The following BAG4 variants were observed in gnomAD, a reference collection of about 807,000 sequenced individuals.
BAG4 encodes the protein BAG cochaperone 4.
BAG4 carries 28 observed loss-of-function variants against 52.1 expected under a neutral mutation model. The observed-to-expected ratio is 0.54, with a 90% CI of 0.40 to 0.74. The LOEUF (loss-of-function observed/expected upper bound fraction) is 0.74. Ranked by LOEUF, BAG4 falls within the 30% of genes least tolerant of loss-of-function variation. BAG4 has a pLI of 0.00. For missense variants in BAG4, 525 were observed against 572.0 expected (o/e 0.92, Z 0.84); for synonymous variants, 208 against 217.0 (o/e 0.96, Z 0.37).
intron 2 of BAG4, chr8:38,203,946 C>T (rs1024748175): frequency 6.6e-6 from 1 of 152,148 alleles, no homozygotes; most frequent in Non-Finnish European, 1.5e-5. Flanking sequence ...TAAGTGACTC[C>T]ATCTTGGCAT....
intron 1 of BAG4, among the ~76,000 whole-genome samples, chr8:38,180,794 C>A (rs1489569275): frequency 6.6e-6 from 1 of 152,014 alleles, no homozygotes; most frequent in Non-Finnish European, 1.5e-5. Flanking sequence ...TTATTAAGAT[C>A]CCCAGGTGAT....
At chr8:38,209,398 G>T in intron 4 of BAG4, 131 bp downstream of exon 4, 1 of 1,211,354 alleles carries the variant, frequency 8.3e-7, no homozygotes, top group South Asian at 1.7e-5. Flanking sequence ...CTTATCTATA[G>T]CTTTACCTCA....
intron 2 of BAG4, among the ~76,000 whole-genome samples, chr8:38,203,699 G>T (rs1803722785): frequency 6.6e-6 from 1 of 151,980 alleles, no homozygotes; most frequent in African/African-American, 2.4e-5. Flanking sequence ...GCTGGGTGCA[G>T]TGGCTCATAC....
At chr8:38,206,124 C>T (rs1803766514) in intron 2 of BAG4, among the ~76,000 whole-genome samples, 1 of 151,200 alleles carries the variant, frequency 6.6e-6, no homozygotes, top group South Asian at 2.1e-4. Context: ...CCCATCTCTA[C>T]TAAAAGTACA....
At chr8:38,185,077 G>A (rs1236250852) in intron 1 of BAG4, among the ~76,000 whole-genome samples, 2 of 146,482 alleles carry the variant, frequency 1.4e-5, no homozygotes, top group African/African-American at 2.5e-5. Flanking sequence ...CAACAAGAGT[G>A]AGACTCTGTC....
intron 2 of BAG4, among the ~76,000 whole-genome samples, chr8:38,204,842 A>C (rs1255548225): frequency 6.6e-6 from 1 of 152,158 alleles, no homozygotes; most frequent in Non-Finnish European, 1.5e-5. Flanking sequence ...AAGCAATTTC[A>C]GATATCATTT....
rs1406267962 is a variant in BAG4, at chr8:38,198,574, C to T, written c.378+5779C>T. The stretch of plus-strand genomic sequence containing the variant: ...TGCGATCTCGGCTTACTGCGACCTC[C>T]GCCTCCCAGGTTCAAGCAATTCTCC... On this transcript the variant is annotated intron_variant, in intron 2 of 4. Transcript: ENST00000287322. Among the ~76,000 whole-genome samples the T allele has an allele frequency of 1.1e-4, 17 of 149,504 alleles. No homozygotes were observed. In the East Asian group the frequency reaches 3.4e-3, roughly 30 times the overall value.
At position 38,198,564 on chromosome 8, in the gene BAG4, C is replaced by T. The variant is rs1202314276; in HGVS notation, c.378+5769C>T. On this transcript the variant is annotated intron_variant, in intron 2 of 4. Transcript: ENST00000287322. ...AGTGCAGTGGTGCGATCTCGGCTTA[C>T]TGCGACCTCCGCCTCCCAGGTTCAA... Among the ~76,000 whole-genome samples, 38 of 148,992 alleles carry T rather than the reference C, an allele frequency of 2.6e-4. No homozygotes were observed. The South Asian group carries it at 7.9e-3, about 31-fold the overall frequency.
Position 38,210,587 on chromosome 8 carries a change from CAAG to C in BAG4, c.*98_*100del. 7.0e-7 allele frequency: 1 copy of C among 1,425,744 alleles called. No homozygotes were observed. The highest frequency in any genetic ancestry group is 9.4e-7 in the Non-Finnish European group (1 of 1,064,354). 88.3% of individuals were successfully genotyped at this position (1,425,744 alleles called of 1,614,324 possible). ...CTCTTTTTGAAATGCCTGTTGATGA[CAAG>C]AAGCAATACATTCCAGCTTTCCTTT... On this transcript the variant is annotated 3_prime_UTR_variant, in exon 5 of 5. Coordinates refer to ENST00000287322, the MANE Select transcript of BAG4 (RefSeq NM_004874.4).
chr8:38,181,288 G>A (rs1249107600), intron 1 of BAG4, among the ~76,000 whole-genome samples: 4 of 145,758 alleles, frequency 2.7e-5, no homozygotes, highest in African/African-American at 5.1e-5. Context: ...AGGCTGGAGC[G>A]CAATGGCGCC....
At chr8:38,177,249 C>T (rs949020274) in intron 1 of BAG4, 110 bp downstream of exon 1, 16 of 1,436,924 alleles carry the variant, frequency 1.1e-5, no homozygotes, top group Admixed American at 2.6e-5. Context: ...GGGTGTGTTG[C>T]GGGGGGTGTT....
At chr8:38,195,101 G>A (rs755340603) in intron 2 of BAG4, among the ~76,000 whole-genome samples, 4 of 150,756 alleles carry the variant, frequency 2.7e-5, no homozygotes, top group Middle Eastern at 3.6e-3. Flanking sequence ...TGATCCACCC[G>A]TCTCGGCCTC....
chr8:38,194,305 C>T (rs1803525903), intron 2 of BAG4, among the ~76,000 whole-genome samples: 2 of 151,666 alleles, frequency 1.3e-5, no homozygotes, highest in African/African-American at 4.9e-5. Flanking sequence ...AAACACACTC[C>T]TGCAGCTTGC....
At chr8:38,188,677 GTATACATATATACATGTATACA>G (rs1563280700) in intron 1 of BAG4, among the ~76,000 whole-genome samples, 88 of 141,762 alleles carry the variant, frequency 6.2e-4, no homozygotes, top group African/African-American at 2.2e-3. Context: ...ACATATACAT[GTATACATATATACATGTATACA>G]TATATATGTA....
chr8:38,188,668 C>CAT (rs1233683059), intron 1 of BAG4, among the ~76,000 whole-genome samples: 31 of 1,154 alleles, frequency 0.027, no homozygotes, highest in African/African-American at 0.054. Context: ...TACATGTATA[C>CAT]ATATACATGT....
At chr8:38,201,395 T>C (rs1803660573) in intron 2 of BAG4, among the ~76,000 whole-genome samples, 1 of 152,152 alleles carries the variant, frequency 6.6e-6, no homozygotes, top group Admixed American at 6.6e-5. Context: ...CACTGTAACC[T>C]TGAACTCCTG....
intron 1 of BAG4, among the ~76,000 whole-genome samples, chr8:38,178,544 T>A (rs1357247952): frequency 1.3e-5 from 2 of 152,246 alleles, no homozygotes; most frequent in African/African-American, 4.8e-5. Flanking sequence ...ACAGGAATGT[T>A]GTAAGGACAT....
chr8:38,204,899 T>C (rs1401319392), intron 2 of BAG4, among the ~76,000 whole-genome samples: 1 of 152,120 alleles, frequency 6.6e-6, no homozygotes, highest in Admixed American at 6.5e-5. Flanking sequence ...TATAAGGAAG[T>C]TTTAAAAACA....
At chr8:38,208,004 T>C (rs1035851122) in intron 3 of BAG4, among the ~76,000 whole-genome samples, 1 of 151,980 alleles carries the variant, frequency 6.6e-6, no homozygotes, top group African/African-American at 2.4e-5. Flanking sequence ...GCTTGAAAGT[T>C]TCCCTATCTT....
Sources: allele counts gnomAD v4.1 joint callset (sites outside exome capture counted in the v4.1 genomes callset), GRCh38; gene constraint gnomAD v4.1.1; transcripts MANE v1.5; gene names NCBI Gene and HGNC (gene_info 2026-07-23, HGNC 2026-07-21).